The following CASD1 variants were observed in gnomAD, a reference collection of about 807,000 sequenced individuals.
CASD1 encodes N-acetylneuraminate (7)9-O-acetyltransferase.
A neutral mutation model predicts 100.0 loss-of-function variants in CASD1; 41 were observed. The ratio of observed to expected loss-of-function variants is 0.41; its 90% CI spans 0.32 to 0.53. The LOEUF (loss-of-function observed/expected upper bound fraction) is 0.53. Among genes scored for constraint, CASD1 ranks in the 20% least tolerant of loss-of-function variants. The probability of loss-of-function intolerance (pLI) is 0.25; values close to 1 mark genes in which losing one functional copy is unlikely to be tolerated. For missense variants in CASD1, 774 were observed against 948.7 expected (o/e 0.82, Z 2.42); for synonymous variants, 321 against 315.6 (o/e 1.02, Z -0.18).
chr7:94,597,119 A>G, the CASD1 span: 1 of 152,172 alleles, frequency 6.6e-6, no homozygotes, highest in Non-Finnish European at 1.5e-5. Flanking sequence ...ATAGAAACCC[A>G]TCCGTTGCAT....
At chr7:94,570,386 T>C in the CASD1 span, among the ~76,000 whole-genome samples, 2 of 152,204 alleles carry the variant, frequency 1.3e-5, no homozygotes, top group East Asian at 1.9e-4. Context: ...TGCAATAGCA[T>C]ACAAAATCTC....
At chr7:94,584,048 C>A in the CASD1 span, among the ~76,000 whole-genome samples, 2 of 152,164 alleles carry the variant, frequency 1.3e-5, no homozygotes, top group African/African-American at 4.8e-5. Flanking sequence ...CCAATGATTT[C>A]TCTCCCCATT....
the CASD1 span, among the ~76,000 whole-genome samples, chr7:94,578,395 A>C: frequency 6.6e-6 from 1 of 152,176 alleles, no homozygotes; most frequent in Non-Finnish European, 1.5e-5. Context: ...AATATGTTCC[A>C]ACAACACAGA....
chr7:94,558,595 C>T (rs964669326), downstream of CASD1, among the ~76,000 whole-genome samples: 1 of 152,112 alleles, frequency 6.6e-6, no homozygotes, highest in Non-Finnish European at 1.5e-5. Context: ...TGATTGCATA[C>T]ATTTATGACT....
chr7:94,586,987 G>A, the CASD1 span: 2 of 983,594 alleles, frequency 2.0e-6, no homozygotes, highest in African/African-American at 3.5e-5. Context: ...GATCCAAATT[G>A]CAGAAAAATG....
the CASD1 span, among the ~76,000 whole-genome samples, chr7:94,584,396 T>C: frequency 6.6e-6 from 1 of 152,190 alleles, no homozygotes; most frequent in African/African-American, 2.4e-5. Context: ...CAAGTGGCAA[T>C]GCCCTAGTTA....
At chr7:94,532,072 T>A (rs1412985339) in intron 5 of CASD1, among the ~76,000 whole-genome samples, 1 of 152,124 alleles carries the variant, frequency 6.6e-6, no homozygotes, top group East Asian at 1.9e-4. Flanking sequence ...GCTGCAAATA[T>A]AATTGTACTG....
At chr7:94,513,058 C>T (rs1202568163) in intron 1 of CASD1, among the ~76,000 whole-genome samples, 1 of 152,114 alleles carries the variant, frequency 6.6e-6, no homozygotes. Flanking sequence ...TAATTCAGGC[C>T]GGGCGCAGTG....
At chr7:94,584,167 A>G in the CASD1 span, among the ~76,000 whole-genome samples, 1 of 152,192 alleles carries the variant, frequency 6.6e-6, no homozygotes, top group African/African-American at 2.4e-5. Flanking sequence ...CTGATTTCTC[A>G]TCTGTTGTCC....
the CASD1 span, among the ~76,000 whole-genome samples, chr7:94,616,565 CA>C: frequency 6.6e-6 from 1 of 151,904 alleles, no homozygotes; most frequent in Admixed American, 6.6e-5. Context: ...AAAGAATATA[CA>C]AAGGCAGAAA....
the CASD1 span, among the ~76,000 whole-genome samples, chr7:94,576,858 G>A: frequency 6.6e-6 from 1 of 152,132 alleles, no homozygotes; most frequent in Non-Finnish European, 1.5e-5. Context: ...CATGAATATG[G>A]CAGTGTCTGA....
chr7:94,539,873 A>G (rs1333884955), intron 10 of CASD1, among the ~76,000 whole-genome samples: 2 of 152,186 alleles, frequency 1.3e-5, no homozygotes, highest in Non-Finnish European at 2.9e-5. Flanking sequence ...GTATTCAAAG[A>G]ATCCAAATAC....
rs1220966113 is a variant in CASD1 at position 94,521,583 on chromosome 7, A to G, written c.351+3260A>G. Among the ~76,000 whole-genome samples, 5 of 152,212 alleles carry G rather than the reference A, an allele frequency of 3.3e-5. No homozygotes were observed. The East Asian group carries it at 9.6e-4, about 29-fold the overall frequency. The stretch of plus-strand genomic sequence containing the variant: ...GACCGAAAGAATTGAATTAGAATGT[A>G]TAAATTTCAATCAGAAGAATAAAAA... On this transcript the variant is annotated intron_variant, in intron 3 of 17. Transcript: ENST00000297273.
chr7:94,585,451 G>A, the CASD1 span: 1 of 1,552,660 alleles, frequency 6.4e-7, no homozygotes, highest in South Asian at 1.1e-5. Flanking sequence ...TGATGTAACT[G>A]CTATATTGTC....
intron 5 of CASD1, 23 bp downstream of exon 5, chr7:94,528,273 C>CT (rs57770781): frequency 7.9e-3 from 9,291 of 1,176,310 alleles, no homozygotes; most frequent in Non-Finnish European, 8.9e-3. Context: ...AAAACATAGG[C>CT]TTTTTTTTTT....
intron 14 of CASD1, among the ~76,000 whole-genome samples, chr7:94,549,858 T>C (rs1398031837): frequency 6.6e-6 from 1 of 152,080 alleles, no homozygotes; most frequent in Non-Finnish European, 1.5e-5. Context: ...TTTTAAAATA[T>C]TATCTATAAC....
chr7:94,604,344 CCTT>C, the CASD1 span, among the ~76,000 whole-genome samples: 1 of 151,868 alleles, frequency 6.6e-6, no homozygotes, highest in Non-Finnish European at 1.5e-5. Flanking sequence ...ATTCTAGCTG[CCTT>C]CTTTGCAGAA....
the CASD1 span, among the ~76,000 whole-genome samples, chr7:94,613,059 T>G: frequency 1.8e-4 from 28 of 152,254 alleles, no homozygotes; most frequent in Non-Finnish European, 2.2e-4. Context: ...TCTTTGCCAC[T>G]GTCCTCAGGT....
In CASD1 at chr7:94,551,569, CT is replaced by C. The variant is rs532236477; in HGVS notation, c.1956+98del. 1.0e-4 allele frequency: 53 copies of C among 515,894 alleles called. No homozygotes were observed. In the Middle Eastern group the frequency reaches 7.4e-3, roughly 72 times the overall value. 32.0% of individuals were successfully genotyped at this position (515,894 alleles called of 1,614,324 possible). On this transcript the variant is annotated intron_variant, in intron 15 of 17. Transcript: ENST00000297273. ...TAATCAATTATTTTTAATAATAAAT[CT>C]TTTTTTCTCCTTATTTTTCTTTTTA...
Sources: allele counts gnomAD v4.1 joint callset (sites outside exome capture counted in the v4.1 genomes callset), GRCh38; gene constraint gnomAD v4.1.1; transcripts MANE v1.5; gene names NCBI Gene and HGNC (gene_info 2026-07-23, HGNC 2026-07-21).